Variants in PATJ observed in about 807,000 individuals in gnomAD.
PATJ encodes inaD-like protein.
A neutral mutation model predicts 224.9 loss-of-function variants in PATJ; 190 were observed. That is an observed-to-expected ratio of 0.84 (90% CI 0.75 to 0.95). The LOEUF (loss-of-function observed/expected upper bound fraction) is 0.95. Ranked by LOEUF, PATJ falls within the 40% of genes least tolerant of loss-of-function variation. PATJ has a pLI of 0.00. For missense variants in PATJ, 2,121 were observed against 2,270.3 expected (o/e 0.93, Z 1.34); for synonymous variants, 769 against 820.3 (o/e 0.94, Z 1.07).
At chr1:62,154,241 AT>A (rs1668928714) in intron 43 of PATJ, among the ~76,000 whole-genome samples, 1 of 152,010 alleles carries the variant, frequency 6.6e-6, no homozygotes, top group Non-Finnish European at 1.5e-5. Flanking sequence ...TTGGAATTTA[AT>A]TTTTTATAAA....
intron 11 of PATJ, among the ~76,000 whole-genome samples, chr1:61,798,544 A>G (rs1026061203): frequency 1.3e-5 from 2 of 152,160 alleles, no homozygotes; most frequent in African/African-American, 4.8e-5. Context: ...TAGATGAACA[A>G]AAGTTGATAA....
chr1:61,787,787 A>C lies in PATJ; in HGVS notation c.883A>C (p.Lys295Gln). ...ACTCCAGACAGGGGACCACATCTTG[A>C]AGATTGGTGGCACAAACGTGCAGGG... Reference protein sequence around the residue: ...GRLQTGDHILKIGGTNVQGMT... With the variant: ...GRLQTGDHILQIGGTNVQGMT... Residue 295 changes from lysine (K) to glutamine (Q), a missense_variant, in exon 8 of 44, where the codon AAG becomes CAG. By Grantham distance (53) the Lys-to-Gln change is moderately conservative. Coordinates refer to ENST00000642238, the MANE Select transcript of PATJ (RefSeq NM_001350145.3). 6.8e-6 allele frequency: 11 copies of C among 1,614,102 alleles called. No individual in the cohort carries two copies. The highest frequency in any genetic ancestry group is 9.3e-6 in the Non-Finnish European group (11 of 1,179,958).
chr1:62,011,202 G>C (rs1558036092), intron 28 of PATJ, among the ~76,000 whole-genome samples: 1 of 152,140 alleles, frequency 6.6e-6, no homozygotes, highest in Non-Finnish European at 1.5e-5. Context: ...CTTTTCCTTT[G>C]CATTCACAAC....
intron 22 of PATJ, among the ~76,000 whole-genome samples, chr1:61,886,271 GA>G (rs1484707579): frequency 6.6e-6 from 1 of 152,088 alleles, no homozygotes; most frequent in Non-Finnish European, 1.5e-5. Flanking sequence ...AAAGGTAGGA[GA>G]AAATGAGTGA....
At chr1:61,986,440 G>A (rs901768995) in intron 27 of PATJ, among the ~76,000 whole-genome samples, 1 of 151,960 alleles carries the variant, frequency 6.6e-6, no homozygotes, top group Non-Finnish European at 1.5e-5. Flanking sequence ...TACTTTTAGA[G>A]ATGGGGGTCT....
At chr1:62,036,890 AAAGG>A (rs1030155012) in intron 29 of PATJ, among the ~76,000 whole-genome samples, 8 of 150,262 alleles carry the variant, frequency 5.3e-5, no homozygotes, top group East Asian at 1.9e-4. Flanking sequence ...AAGAAGGAAG[AAAGG>A]AAGGAAGGGA....
intron 41 of PATJ, among the ~76,000 whole-genome samples, chr1:62,138,991 C>T (rs1390489756): frequency 6.6e-6 from 1 of 152,106 alleles, no homozygotes; most frequent in Non-Finnish European, 1.5e-5. Context: ...ACATTGGCTG[C>T]AAGCTCTCTG....
At chr1:61,792,442 G>A (rs1027008197) in intron 9 of PATJ, among the ~76,000 whole-genome samples, 3 of 152,206 alleles carry the variant, frequency 2.0e-5, no homozygotes, top group Admixed American at 1.3e-4. Flanking sequence ...GAAAGTGAAT[G>A]ACTGGTAGAA....
chr1:62,113,408 A>G (rs1664086130), intron 34 of PATJ, among the ~76,000 whole-genome samples: 1 of 152,192 alleles, frequency 6.6e-6, no homozygotes, highest in African/African-American at 2.4e-5. Flanking sequence ...AGTCCGAGGC[A>G]GGAGGATCAC....
rs565317027 is a variant in PATJ at position 61,815,457 on chromosome 1, G to C, written c.1683+6927G>C. Among the ~76,000 whole-genome samples, 4 of 152,308 alleles carry C rather than the reference G, an allele frequency of 2.6e-5. No homozygotes were observed. In the South Asian group the frequency reaches 8.3e-4, roughly 32 times the overall value. On this transcript the variant is annotated intron_variant, in intron 14 of 43. Coordinates refer to ENST00000642238, the MANE Select transcript of PATJ (RefSeq NM_001350145.3). ...GGTCCAGGCTGGAGGTTTTTCCTCT[G>C]TCTCATCAGCTTTCTGATTAGAACA...
intron 27 of PATJ, among the ~76,000 whole-genome samples, chr1:61,935,919 C>T (rs1381500896): frequency 6.6e-6 from 1 of 152,094 alleles, no homozygotes; most frequent in Non-Finnish European, 1.5e-5. Context: ...AGGATACTAG[C>T]TAAGTCCTTG....
intron 29 of PATJ, among the ~76,000 whole-genome samples, chr1:62,019,629 CTA>C (rs527680724): frequency 8.7e-4 from 133 of 152,108 alleles, no homozygotes; most frequent in African/African-American, 3.1e-3. Context: ...CCTCCTTCAC[CTA>C]TGTCTTTGTA....
At chr1:62,111,659 T>A (rs1281659490) in intron 34 of PATJ, among the ~76,000 whole-genome samples, 1 of 130,672 alleles carries the variant, frequency 7.7e-6, no homozygotes, top group African/African-American at 2.7e-5. Context: ...CCAAAACCCA[T>A]GTTCTTTTTT....
At position 62,092,619 on chromosome 1, in the gene PATJ, T is replaced by C. The variant is rs189942835; in HGVS notation, c.4377+7971T>C. ...TTAGTAGAGATGGGGTTTCGCCATGTTGGCCAGGCTGGTCTTGAACTCCTG... is the reference window on the plus strand; with the variant it reads ...TTAGTAGAGATGGGGTTTCGCCATGCTGGCCAGGCTGGTCTTGAACTCCTG... On this transcript the variant is annotated intron_variant, in intron 33 of 43. Transcript: ENST00000642238. 4.1e-3 allele frequency among the ~76,000 whole-genome samples: 616 copies of C among 152,014 alleles called. 9 individuals carry two copies. Among genetic ancestry groups the C allele is most frequent in the Admixed American group, 0.037 (566 of 15,262 alleles).
chr1:61,883,671 G>C (rs1211275655), intron 21 of PATJ, among the ~76,000 whole-genome samples: 1 of 150,586 alleles, frequency 6.6e-6, no homozygotes, highest in East Asian at 2.0e-4. Flanking sequence ...AGGGAGAACT[G>C]TATGAATCCG....
At chr1:62,025,005 A>G (rs935865641) in intron 29 of PATJ, among the ~76,000 whole-genome samples, 11 of 152,188 alleles carry the variant, frequency 7.2e-5, no homozygotes, top group Admixed American at 4.6e-4. Context: ...GCCTGATCCT[A>G]TAGCCTATCA....
chr1:62,003,768 C>G (rs1285763167), intron 28 of PATJ, among the ~76,000 whole-genome samples: 1 of 152,188 alleles, frequency 6.6e-6, no homozygotes, highest in Non-Finnish European at 1.5e-5. Context: ...CTCCTTTCCT[C>G]CCTTTGGTTC....
intron 1 of PATJ, among the ~76,000 whole-genome samples, chr1:61,748,405 C>T (rs1406868304): frequency 6.6e-6 from 1 of 151,164 alleles, no homozygotes; most frequent in East Asian, 2.0e-4. Flanking sequence ...CAGGCATGCA[C>T]CACCACGTCT....
intron 1 of PATJ, among the ~76,000 whole-genome samples, chr1:61,758,334 CT>C (rs1570295945): frequency 6.6e-6 from 1 of 152,064 alleles, no homozygotes; most frequent in East Asian, 1.9e-4. Flanking sequence ...TTATGATAAA[CT>C]TACTGTAGTT....
Sources: allele counts gnomAD v4.1 joint callset (sites outside exome capture counted in the v4.1 genomes callset), GRCh38; gene constraint gnomAD v4.1.1; transcripts MANE v1.5; gene names NCBI Gene and HGNC (gene_info 2026-07-23, HGNC 2026-07-21).